The following DCAF6 variants were observed in gnomAD, a reference collection of about 807,000 sequenced individuals.
DCAF6 encodes DDB1- and CUL4-associated factor 6.
In DCAF6, 54 loss-of-function variants were observed where a neutral mutation model predicts 125.1. That is an observed-to-expected ratio of 0.43 (90% CI 0.35 to 0.54). The LOEUF (loss-of-function observed/expected upper bound fraction) is 0.54. Ranked by LOEUF, DCAF6 falls within the 20% of genes least tolerant of loss-of-function variation. The pLI is 0.01. For synonymous variants in DCAF6, 371 were observed against 390.4 expected (o/e 0.95, Z 0.58); for missense variants, 934 against 1,161.7 (o/e 0.80, Z 2.85).
intron 21 of DCAF6, among the ~76,000 whole-genome samples, chr1:168,069,623 A>C (rs1191192816): frequency 2.0e-5 from 3 of 152,214 alleles, no homozygotes; most frequent in Non-Finnish European, 2.9e-5. Flanking sequence ...AAAGTATAGC[A>C]CATCTGAAAA....
Position 167,987,497 on chromosome 1 carries a change from T to C in DCAF6, c.441T>C (p.Ile147=). The C allele has an allele frequency of 6.6e-7, 1 of 1,523,982 alleles. No individual in the cohort carries two copies. The highest frequency in any genetic ancestry group is 1.4e-5 in the African/African-American group (1 of 73,248). The allele number at this position is 1,523,982 out of a possible 1,614,324, so 94.4% of individuals were successfully genotyped here. ...FTCHYGTTYE[I]MTVPNDPYTF... is the part of the protein sequence containing the mutation. ...TGCACTTTTCTTTTCATCTTCAGAT[T>C]ATGACTGTACCCAATGACCCTTACA... Residue 147 remains isoleucine, a splice_region_variant and synonymous_variant, in exon 5 of 22, where the codon ATT becomes ATC. Transcript: ENST00000367840.
At chr1:167,917,408 G>C in the DCAF6 span, 1 of 152,236 alleles carries the variant, frequency 6.6e-6, no homozygotes, top group South Asian at 2.1e-4. Context: ...AGACCAGCCT[G>C]GGCAACATGA....
At chr1:167,931,085 C>T (rs1382727095), upstream of DCAF6, among the ~76,000 whole-genome samples, 1 of 152,232 alleles carries the variant, frequency 6.6e-6, no homozygotes, top group East Asian at 1.9e-4. Flanking sequence ...GTGTGCACCA[C>T]CATGCCCAGC....
At chr1:167,896,659 A>G in the DCAF6 span, 5 of 1,613,474 alleles carry the variant, frequency 3.1e-6, no homozygotes, top group African/African-American at 5.3e-5. Context: ...ATTCATCAAA[A>G]TTAAAATTGG....
At chr1:168,037,965 T>TA (rs1013823147) in intron 12 of DCAF6, among the ~76,000 whole-genome samples, 3 of 152,214 alleles carry the variant, frequency 2.0e-5, no homozygotes, top group Non-Finnish European at 4.4e-5. Flanking sequence ...CCTTGTATCT[T>TA]ACATCTCAGT....
At chr1:168,060,967 C>T (rs1211793549) in intron 17 of DCAF6, among the ~76,000 whole-genome samples, 1 of 152,176 alleles carries the variant, frequency 6.6e-6, no homozygotes, top group Non-Finnish European at 1.5e-5. Context: ...ACAGTTATTT[C>T]CTCTGCTACC....
At chr1:168,039,241 C>T (rs1170918543) in intron 13 of DCAF6, among the ~76,000 whole-genome samples, 1 of 151,956 alleles carries the variant, frequency 6.6e-6, no homozygotes, top group Non-Finnish European at 1.5e-5. Context: ...TCCTACTAGA[C>T]ACATGTAGAA....
At chr1:168,012,822 G>T (rs1033600604) in intron 10 of DCAF6, among the ~76,000 whole-genome samples, 3 of 152,076 alleles carry the variant, frequency 2.0e-5, no homozygotes, top group Admixed American at 6.5e-5. Flanking sequence ...TGAATAAATG[G>T]TTCATAAGAT....
At chr1:167,882,480 G>A in the DCAF6 span, among the ~76,000 whole-genome samples, 411 of 97,814 alleles carry the variant, frequency 4.2e-3, 1 homozygote, top group African/African-American at 0.016. Flanking sequence ...GCAAGATTCC[G>A]TCTCAAAAAA....
chr1:168,060,241 A>G (rs1002306505), intron 17 of DCAF6, among the ~76,000 whole-genome samples: 1 of 152,108 alleles, frequency 6.6e-6, no homozygotes, highest in African/African-American at 2.4e-5. Context: ...AATACATGGC[A>G]TGATCTTAGC....
chr1:167,879,646 T>A, the DCAF6 span, among the ~76,000 whole-genome samples: 1 of 152,172 alleles, frequency 6.6e-6, no homozygotes. Context: ...GTATTTTAGA[T>A]GCATTATTGC....
intron 2 of DCAF6, among the ~76,000 whole-genome samples, chr1:167,956,464 T>G (rs1298104572): frequency 6.6e-6 from 1 of 152,272 alleles, no homozygotes; most frequent in South Asian, 2.1e-4. Flanking sequence ...TTTTCCTGAT[T>G]AGTTTGGCTA....
chr1:167,934,883 CAG>C (rs1671033934), upstream of DCAF6, among the ~76,000 whole-genome samples: 1 of 151,960 alleles, frequency 6.6e-6, no homozygotes, highest in African/African-American at 2.4e-5. Context: ...GAAGAGGTAA[CAG>C]AATTCTAGAT....
At chr1:168,073,845 A>G (rs896129058) in intron 21 of DCAF6, among the ~76,000 whole-genome samples, 3 of 151,674 alleles carry the variant, frequency 2.0e-5, no homozygotes, top group African/African-American at 7.3e-5. Flanking sequence ...TTTTTTTTAT[A>G]CTAATATCCC....
chr1:167,930,989 T>C (rs1233290890), upstream of DCAF6, among the ~76,000 whole-genome samples: 6 of 152,248 alleles, frequency 3.9e-5, no homozygotes, highest in African/African-American at 1.4e-4. Flanking sequence ...TTGAGTGCAG[T>C]GGCACGATCT....
At chr1:167,899,377 G>A in the DCAF6 span, 1 of 1,594,914 alleles carries the variant, frequency 6.3e-7, no homozygotes, top group Non-Finnish European at 8.6e-7. Context: ...GGGGGCCTCT[G>A]TTACAGGCTG....
chr1:168,024,219 T>C (rs904529141), intron 12 of DCAF6, among the ~76,000 whole-genome samples: 19 of 132,786 alleles, frequency 1.4e-4, no homozygotes, highest in Admixed American at 7.3e-4. Flanking sequence ...CCCCATCTCT[T>C]TAAAAAAAAA....
At chr1:167,969,314 A>G (rs1015953056) in intron 3 of DCAF6, 3 of 152,204 alleles carry the variant, frequency 2.0e-5, no homozygotes, top group Non-Finnish European at 4.4e-5. Context: ...AAGTAGTTTA[A>G]GAAACTGGAT....
chr1:167,978,188 C>T (rs1055937621), intron 4 of DCAF6, among the ~76,000 whole-genome samples: 7 of 152,238 alleles, frequency 4.6e-5, no homozygotes, highest in East Asian at 1.9e-4. Flanking sequence ...CATTGTTTTA[C>T]GTGTCTTTTC....
Sources: allele counts gnomAD v4.1 joint callset (sites outside exome capture counted in the v4.1 genomes callset), GRCh38; gene constraint gnomAD v4.1.1; transcripts MANE v1.5; gene names NCBI Gene and HGNC (gene_info 2026-07-23, HGNC 2026-07-21).